The following RASGRF2 variants were observed in gnomAD, a reference collection of about 807,000 sequenced individuals.
The protein encoded by RASGRF2 is Ras protein specific guanine nucleotide releasing factor 2.
In RASGRF2, 76 loss-of-function variants were observed where a neutral mutation model predicts 151.0. That is an observed-to-expected ratio of 0.50 (90% CI 0.42 to 0.61). The LOEUF (loss-of-function observed/expected upper bound fraction) is 0.61. RASGRF2 is among the 20% of genes least tolerant of loss of function. The pLI is 0.00. For synonymous variants in RASGRF2, 504 were observed against 566.5 expected (o/e 0.89, Z 1.57); for missense variants, 1,148 against 1,564.6 (o/e 0.73, Z 4.49).
intron 4 of RASGRF2, among the ~76,000 whole-genome samples, chr5:81,072,749 G>A (rs78712432): frequency 0.015 from 2,356 of 152,194 alleles, 63 homozygotes; most frequent in African/African-American, 0.053. Context: ...GTCTTGCTGC[G>A]TTGCCCAGGA....
intron 17 of RASGRF2, among the ~76,000 whole-genome samples, chr5:81,166,872 C>T (rs16878496): frequency 6.6e-6 from 1 of 152,072 alleles, no homozygotes; most frequent in African/African-American, 2.4e-5. Context: ...TTAAAAATTC[C>T]CAGTCCCTTC....
chr5:81,089,397 T>C (rs1752330100), intron 9 of RASGRF2, among the ~76,000 whole-genome samples: 2 of 152,152 alleles, frequency 1.3e-5, no homozygotes, highest in African/African-American at 2.4e-5. Flanking sequence ...TGTGAATTTT[T>C]ATTCATAAGA....
intron 1 of RASGRF2, among the ~76,000 whole-genome samples, chr5:80,969,123 CTTTTTT>C (rs551407326): frequency 2.1e-4 from 20 of 93,326 alleles, no homozygotes; most frequent in South Asian, 4.0e-4. Context: ...GTGCAGGACT[CTTTTTT>C]TTTTTTTTTT....
chr5:81,201,283 T>A (rs1414236154), intron 18 of RASGRF2, 47 bp from the exon 19 acceptor site: 2 of 1,586,160 alleles, frequency 1.3e-6, no homozygotes, highest in Non-Finnish European at 1.7e-6. Flanking sequence ...GTCATAGAGC[T>A]AACCCTTTCA....
At chr5:81,173,162 A>T (rs1039364427) in intron 17 of RASGRF2, among the ~76,000 whole-genome samples, 1 of 152,068 alleles carries the variant, frequency 6.6e-6, no homozygotes, top group African/African-American at 2.4e-5. Flanking sequence ...GGATCACCTG[A>T]GGTTAGGAGT....
rs533073503 is a variant in RASGRF2 at position 80,979,677 on chromosome 5, A to T, written c.288+18651A>T. Among the ~76,000 whole-genome samples the T allele has an allele frequency of 3.9e-5, 6 of 152,320 alleles. No individual in the cohort carries two copies. In the South Asian group the frequency reaches 1.2e-3, roughly 32 times the overall value. ...CTTGGCATTTATTTGTGTTTCAAAGATCTTTGCTGCATGTGTATTTGGAAC... is the reference window on the plus strand; with the variant it reads ...CTTGGCATTTATTTGTGTTTCAAAGTTCTTTGCTGCATGTGTATTTGGAAC... On this transcript the variant is annotated intron_variant, in intron 1 of 26. Coordinates refer to ENST00000265080, the MANE Select transcript of RASGRF2 (RefSeq NM_006909.3).
intron 17 of RASGRF2, among the ~76,000 whole-genome samples, chr5:81,166,420 T>G (rs1754509796): frequency 6.6e-6 from 1 of 152,058 alleles, no homozygotes; most frequent in African/African-American, 2.4e-5. Context: ...ACTCCAGACC[T>G]CAGGAGATCC....
chr5:81,195,346 G>A (rs978081760), intron 18 of RASGRF2, among the ~76,000 whole-genome samples: 6 of 152,182 alleles, frequency 3.9e-5, no homozygotes, highest in African/African-American at 1.4e-4. Flanking sequence ...TTACAACATA[G>A]CTGTCAGCCA....
At chr5:81,067,367 G>A (rs1751638114) in intron 2 of RASGRF2, among the ~76,000 whole-genome samples, 1 of 152,206 alleles carries the variant, frequency 6.6e-6, no homozygotes, top group Non-Finnish European at 1.5e-5. Context: ...AAATCTGAGA[G>A]TAAGTTTTGT....
chr5:81,088,506 T>G (rs1271512093), intron 9 of RASGRF2: 1 of 152,244 alleles, frequency 6.6e-6, no homozygotes. Flanking sequence ...TCTAGTATGA[T>G]GCTTTTTGTT....
At chr5:81,162,458 C>T (rs926698384) in intron 17 of RASGRF2, among the ~76,000 whole-genome samples, 14 of 152,174 alleles carry the variant, frequency 9.2e-5, no homozygotes, top group African/African-American at 3.1e-4. Flanking sequence ...AATGATTCTC[C>T]TGCCTTAGCA....
chr5:81,120,267 G>A (rs1475629493), intron 15 of RASGRF2, among the ~76,000 whole-genome samples: 3 of 151,946 alleles, frequency 2.0e-5, no homozygotes, highest in African/African-American at 7.3e-5. Context: ...AGAGATACAG[G>A]GTACAACTAC....
intron 1 of RASGRF2, among the ~76,000 whole-genome samples, chr5:80,994,315 G>A (rs965238955): frequency 2.1e-5 from 3 of 144,868 alleles, no homozygotes; most frequent in Admixed American, 7.1e-5. Flanking sequence ...GCAGTGAGCC[G>A]AGATTGCACC....
chr5:81,145,973 A>G (rs982850180), intron 17 of RASGRF2, among the ~76,000 whole-genome samples: 13 of 152,172 alleles, frequency 8.5e-5, no homozygotes, highest in African/African-American at 3.1e-4. Flanking sequence ...TAAGGGGCAT[A>G]TTTTCATTTT....
At chr5:81,064,523 A>G (rs1394702448) in intron 2 of RASGRF2, among the ~76,000 whole-genome samples, 1 of 152,196 alleles carries the variant, frequency 6.6e-6, no homozygotes, top group African/African-American at 2.4e-5. Context: ...TTAGGGGGCC[A>G]TCTTAGATGC....
chr5:81,072,463 T>C (rs552398976), intron 4 of RASGRF2, among the ~76,000 whole-genome samples: 2 of 152,344 alleles, frequency 1.3e-5, no homozygotes, highest in East Asian at 3.9e-4. Context: ...TAGATAATAA[T>C]GATACTTTGG....
chr5:80,970,745 G>A (rs868393103), intron 1 of RASGRF2, among the ~76,000 whole-genome samples: 4 of 152,178 alleles, frequency 2.6e-5, no homozygotes, highest in Admixed American at 1.3e-4. Flanking sequence ...GCTTAACTGC[G>A]AAACAGCAGG....
At chr5:81,179,798 T>C (rs1754870543) in intron 17 of RASGRF2, among the ~76,000 whole-genome samples, 1 of 152,236 alleles carries the variant, frequency 6.6e-6, no homozygotes, top group Non-Finnish European at 1.5e-5. Flanking sequence ...TGTTATCGGT[T>C]GTGCAGTTAC....
chr5:80,989,255 G>A (rs567706343), intron 1 of RASGRF2, among the ~76,000 whole-genome samples: 2 of 152,270 alleles, frequency 1.3e-5, no homozygotes, highest in South Asian at 4.2e-4. Flanking sequence ...ACAGGCATGA[G>A]CCACTGTGCC....
Sources: allele counts gnomAD v4.1 joint callset (sites outside exome capture counted in the v4.1 genomes callset), GRCh38; gene constraint gnomAD v4.1.1; transcripts MANE v1.5; gene names NCBI Gene and HGNC (gene_info 2026-07-23, HGNC 2026-07-21).